MYO1E: variants seen among roughly 807,000 people sequenced by gnomAD.
MYO1E encodes myosin IE.
Under a neutral mutation model 151.1 loss-of-function variants are expected in MYO1E, and 68 were observed. That is an observed-to-expected ratio of 0.45 (90% CI 0.37 to 0.55). MYO1E has a LOEUF of 0.55. Among genes scored for constraint, MYO1E ranks in the 20% least tolerant of loss-of-function variants. The pLI is 0.00. For synonymous variants in MYO1E, 601 were observed against 501.7 expected (o/e 1.20, Z -2.64); for missense variants, 1,363 against 1,389.3 (o/e 0.98, Z 0.30).
At chr15:59,288,692 C>A (rs1191154394) in intron 1 of MYO1E, among the ~76,000 whole-genome samples, 2 of 152,070 alleles carry the variant, frequency 1.3e-5, no homozygotes, top group East Asian at 3.9e-4. Flanking sequence ...ATAGGAGGGA[C>A]AGGATTCAAA....
Position 59,135,370 on chromosome 15 carries a change from G to GTCC in MYO1E, c.*2007_*2009dup, listed in dbSNP as rs10693017. ...GGGCTTATGATAACAAGGGAAGATG[G>GTCC]TCCTGGTGTTCCTGCCCTGAGAACG... is the stretch of plus-strand genomic sequence containing the variant. On this transcript the variant is annotated 3_prime_UTR_variant, in exon 28 of 28. Coordinates refer to ENST00000288235, the MANE Select transcript of MYO1E (RefSeq NM_004998.4). 8,100 of 152,300 alleles carry GTCC rather than the reference G, an allele frequency of 0.053. 508 individuals carry two copies. Among genetic ancestry groups the GTCC allele is most frequent in the African/African-American group, 0.15 (6,248 of 41,508 alleles). 9.4% of individuals were successfully genotyped at this position (152,300 alleles called of 1,614,324 possible).
At chr15:59,242,804 T>A (rs2080107906) in intron 4 of MYO1E, among the ~76,000 whole-genome samples, 1 of 152,222 alleles carries the variant, frequency 6.6e-6, no homozygotes, top group Non-Finnish European at 1.5e-5. Flanking sequence ...CCCTGCATTG[T>A]TTCTATGGTA....
chr15:59,362,857 T>G (rs557854098), intron 1 of MYO1E, among the ~76,000 whole-genome samples: 71 of 152,260 alleles, frequency 4.7e-4, no homozygotes, highest in Non-Finnish European at 9.3e-4. Context: ...CTAATTTTGT[T>G]GTTGTATTCT....
rs775751669 is a variant in MYO1E, at chr15:59,153,745, G to C, written c.2925C>G (p.Pro975=). ...TGGACCTCTGGCTTCCAGGAGCATG[G>C]GGATATGGCACATACTGGTTTCTGA... ...GVIRNQYVPY[P]HAPGSQRSNQ... The change falls in exon 26 of 28, where the codon CCC becomes CCG. Residue 975 remains proline, a synonymous_variant. Coordinates refer to ENST00000288235, the MANE Select transcript of MYO1E (RefSeq NM_004998.4). 7 of 1,614,098 alleles carry C rather than the reference G, an allele frequency of 4.3e-6. No homozygotes were observed. The Admixed American group carries it at 5.0e-5, about 12-fold the overall frequency.
intron 1 of MYO1E, among the ~76,000 whole-genome samples, chr15:59,324,108 G>C (rs1369749488): frequency 3.9e-5 from 6 of 152,144 alleles, no homozygotes; most frequent in South Asian, 2.1e-4. Flanking sequence ...CAAATCATAA[G>C]TAAGAAAAGA....
chr15:59,299,312 G>A (rs1400098266), intron 1 of MYO1E, among the ~76,000 whole-genome samples: 1 of 152,108 alleles, frequency 6.6e-6, no homozygotes, highest in Non-Finnish European at 1.5e-5. Flanking sequence ...AATTCCTCAG[G>A]CTTCATAAAC....
chr15:59,284,155 C>G (rs779911129), intron 1 of MYO1E, among the ~76,000 whole-genome samples: 4 of 152,216 alleles, frequency 2.6e-5, no homozygotes, highest in Non-Finnish European at 5.9e-5. Flanking sequence ...ATGGGAGTGC[C>G]CAATCTTTAC....
intron 10 of MYO1E, among the ~76,000 whole-genome samples, chr15:59,215,720 C>T (rs1016961330): frequency 1.3e-5 from 2 of 152,080 alleles, no homozygotes; most frequent in Non-Finnish European, 2.9e-5. Context: ...CCAGTAAATC[C>T]CACCTCAAAT....
intron 15 of MYO1E, among the ~76,000 whole-genome samples, chr15:59,203,623 C>A (rs1250677822): frequency 6.6e-6 from 1 of 152,170 alleles, no homozygotes; most frequent in African/African-American, 2.4e-5. Flanking sequence ...ATCCACCCAC[C>A]TTGGCCTCCC....
chr15:59,157,401 C>T (rs1296999314), intron 25 of MYO1E, among the ~76,000 whole-genome samples: 3 of 152,152 alleles, frequency 2.0e-5, no homozygotes, highest in African/African-American at 7.2e-5. Flanking sequence ...TAGTAGCCCC[C>T]TCCCCTCCTT....
intron 10 of MYO1E, among the ~76,000 whole-genome samples, chr15:59,217,525 T>TTTTTTC (rs2079926662): frequency 8.2e-6 from 1 of 122,680 alleles, no homozygotes; most frequent in Non-Finnish European, 1.7e-5. Flanking sequence ...TTACCTTTTT[T>TTTTTTC]TTTTTTTTTT....
intron 17 of MYO1E, among the ~76,000 whole-genome samples, chr15:59,189,448 C>G (rs1411095252): frequency 6.6e-6 from 1 of 151,916 alleles, no homozygotes; most frequent in Non-Finnish European, 1.5e-5. Context: ...GAGACAGAGT[C>G]TCGCTTTGTC....
At chr15:59,188,362 G>T in intron 17 of MYO1E, 146 bp from the exon 18 acceptor site, 1 of 711,418 alleles carries the variant, frequency 1.4e-6, no homozygotes, top group East Asian at 2.6e-5. Flanking sequence ...ACACTGAGCT[G>T]ACCTCTCAGA....
At position 59,217,996 on chromosome 15, in the gene MYO1E, G is replaced by C. The variant is rs778066072; in HGVS notation, c.1002C>G (p.Gly334=). 4 of 1,614,208 alleles carry C rather than the reference G, an allele frequency of 2.5e-6. No individual in the cohort carries two copies. Among genetic ancestry groups the C allele is most frequent in the Non-Finnish European group, 3.4e-6 (4 of 1,180,038 alleles). ...GGGTCACGTGGATGGATTCGGATTT[G>C]CCTCCCCACTTGCTATCCATCTGCC... ...TSRQMDSKWG[G]KSESIHVTLN... is the part of the protein sequence containing the mutation. Residue 334 remains glycine (G), a synonymous_variant, in exon 10 of 28, where the codon GGC becomes GGG. Transcript: ENST00000288235.
intron 14 of MYO1E, chr15:59,207,157 T>A (rs772286262): frequency 6.2e-7 from 1 of 1,614,236 alleles, no homozygotes; most frequent in East Asian, 2.2e-5. Context: ...CAGTAAGGTC[T>A]CCATCATAGG....
intron 7 of MYO1E, among the ~76,000 whole-genome samples, chr15:59,225,675 C>T (rs1325247152): frequency 1.4e-5 from 2 of 138,094 alleles, no homozygotes; most frequent in Admixed American, 1.6e-4. Context: ...GAGACGGAGT[C>T]TCACTCTGTC....
chr15:59,365,980 C>T (rs2080910701), intron 1 of MYO1E, among the ~76,000 whole-genome samples: 2 of 152,044 alleles, frequency 1.3e-5, no homozygotes, highest in Non-Finnish European at 2.9e-5. Context: ...CTCTTCTTCC[C>T]TTCTTTCTCT....
At chr15:59,311,196 C>T (rs2080549507) in intron 1 of MYO1E, among the ~76,000 whole-genome samples, 1 of 152,108 alleles carries the variant, frequency 6.6e-6, no homozygotes, top group Non-Finnish European at 1.5e-5. Flanking sequence ...ACGTTTTTGA[C>T]ACCAGGGACA....
At chr15:59,230,328 A>C (rs1385447675) in intron 6 of MYO1E, among the ~76,000 whole-genome samples, 1 of 152,114 alleles carries the variant, frequency 6.6e-6, no homozygotes, top group African/African-American at 2.4e-5. Context: ...AATTAGAAAA[A>C]TAATAAATGT....
Sources: allele counts gnomAD v4.1 joint callset (sites outside exome capture counted in the v4.1 genomes callset), GRCh38; gene constraint gnomAD v4.1.1; transcripts MANE v1.5; gene names NCBI Gene and HGNC (gene_info 2026-07-23, HGNC 2026-07-21).